MARCHF10: variants seen among roughly 807,000 people sequenced by gnomAD.
MARCHF10 encodes the protein membrane associated ring-CH-type finger 10.
In MARCHF10, 64 loss-of-function variants were observed where a neutral mutation model predicts 76.2. The ratio of observed to expected loss-of-function variants is 0.84; its 90% CI spans 0.69 to 1.03. MARCHF10 has a LOEUF of 1.03. Among genes scored for constraint, MARCHF10 ranks in the 50% least tolerant of loss-of-function variants. The pLI is 0.00. For missense variants in MARCHF10, 875 were observed against 958.0 expected, an observed-to-expected ratio of 0.91 and a Z score of 1.14; for synonymous variants, 340 against 357.5, an observed-to-expected ratio of 0.95 and a Z score of 0.55.
rs922920133 is a variant in MARCHF10, at chr17:62,759,907, C to G, written c.310G>C (p.Val104Leu). The change falls in exon 4 of 11, where the codon GTC becomes CTC. Residue 104 changes from valine to leucine, a missense_variant. Coordinates refer to ENST00000311269, the MANE Select transcript of MARCHF10 (RefSeq NM_152598.4). ...SKLPAIDQTS[V>L]KQKHKSTMTV... is the part of the protein sequence containing the mutation. ...ATGGTACTTTTATGTTTCTGCTTGACTGATGTTTGGTCAATTGCTGGAAGT... is the reference window on the plus strand; with the variant it reads ...ATGGTACTTTTATGTTTCTGCTTGAGTGATGTTTGGTCAATTGCTGGAAGT... 1 of 1,613,970 alleles carries G rather than the reference C, an allele frequency of 6.2e-7. No individual in the cohort carries two copies. The highest frequency in any genetic ancestry group is 1.3e-5 in the African/African-American group (1 of 74,894).
At chr17:62,727,235 G>T (rs529705723) in intron 6 of MARCHF10, among the ~76,000 whole-genome samples, 13 of 152,138 alleles carry the variant, frequency 8.5e-5, no homozygotes, top group Non-Finnish European at 1.6e-4. Flanking sequence ...CTTCTCAAAG[G>T]TATAGGTGGG....
At chr17:62,718,713 A>G (rs9916015) in intron 8 of MARCHF10, among the ~76,000 whole-genome samples, 5,145 of 152,256 alleles carry the variant, frequency 0.034, 296 homozygotes, top group African/African-American at 0.12. Context: ...CTCAGCGTCC[A>G]GGAATGTGAG....
chr17:62,762,610 G>C (rs996586010), intron 3 of MARCHF10, among the ~76,000 whole-genome samples: 1 of 152,218 alleles, frequency 6.6e-6, no homozygotes, highest in South Asian at 2.1e-4. Flanking sequence ...GCAATAGCGC[G>C]ATCTCGGTTC....
intron 4 of MARCHF10, among the ~76,000 whole-genome samples, chr17:62,750,804 C>G (rs1245867322): frequency 6.6e-6 from 1 of 152,178 alleles, no homozygotes; most frequent in Non-Finnish European, 1.5e-5. Flanking sequence ...CCCGTAAGAT[C>G]CCGGAGAATG....
At chr17:62,737,554 G>C (rs1010859677) in intron 5 of MARCHF10, 1 of 542,170 alleles carries the variant, frequency 1.8e-6, no homozygotes, top group Non-Finnish European at 3.2e-6. Context: ...TAGGGAAATG[G>C]GGGGACCCTG....
intron 3 of MARCHF10, among the ~76,000 whole-genome samples, chr17:62,781,545 G>A (rs1428239161): frequency 6.6e-6 from 1 of 152,194 alleles, no homozygotes; most frequent in Non-Finnish European, 1.5e-5. Flanking sequence ...GAACTTCTCA[G>A]CGCAGGCTTG....
intron 2 of MARCHF10, among the ~76,000 whole-genome samples, chr17:62,792,790 T>TCACCAC (rs1293324220): frequency 0.026 from 1,103 of 42,412 alleles, 14 homozygotes; most frequent in East Asian, 0.072. Context: ...ACCACCTCCA[T>TCACCAC]CACCACCACC....
intron 3 of MARCHF10, among the ~76,000 whole-genome samples, chr17:62,765,208 TG>T (rs2092298720): frequency 1.3e-5 from 2 of 151,536 alleles, no homozygotes; most frequent in Non-Finnish European, 2.9e-5. Flanking sequence ...AAAAATTAGC[TG>T]GGCGTAGTGG....
At chr17:62,716,582 A>G (rs138451298) in intron 8 of MARCHF10, among the ~76,000 whole-genome samples, 2 of 152,152 alleles carry the variant, frequency 1.3e-5, no homozygotes, top group African/African-American at 4.8e-5. Context: ...GGGCCTGTGT[A>G]TCACCATTTT....
At chr17:62,706,010 C>T (rs2089566756) in intron 9 of MARCHF10, among the ~76,000 whole-genome samples, 1 of 152,168 alleles carries the variant, frequency 6.6e-6, no homozygotes, top group Non-Finnish European at 1.5e-5. Flanking sequence ...CCATCAAGGC[C>T]CTGGGCTCAC....
At chr17:62,710,662 G>A (rs964069880) in intron 9 of MARCHF10, among the ~76,000 whole-genome samples, 3 of 148,490 alleles carry the variant, frequency 2.0e-5, no homozygotes, top group Non-Finnish European at 4.4e-5. Context: ...GGGTTCCAGC[G>A]ATTCTCCTGC....
At chr17:62,804,043 C>T (rs1482541846) in intron 1 of MARCHF10, among the ~76,000 whole-genome samples, 1 of 152,162 alleles carries the variant, frequency 6.6e-6, no homozygotes, top group East Asian at 1.9e-4. Flanking sequence ...AGTACCCACA[C>T]TCTTAACCAA....
chr17:62,719,312 C>CT (rs966519022), intron 8 of MARCHF10, among the ~76,000 whole-genome samples: 42 of 151,512 alleles, frequency 2.8e-4, no homozygotes, highest in East Asian at 2.1e-3. Flanking sequence ...GTAATTTTTA[C>CT]TTTTTTTTTG....
intron 3 of MARCHF10, among the ~76,000 whole-genome samples, chr17:62,780,202 C>T (rs529362994): frequency 3.0e-4 from 45 of 152,246 alleles, no homozygotes; most frequent in African/African-American, 9.9e-4. Context: ...CTACACAGTA[C>T]ATTTAATTTT....
At chr17:62,768,050 G>A (rs1359395728) in intron 3 of MARCHF10, among the ~76,000 whole-genome samples, 1 of 152,134 alleles carries the variant, frequency 6.6e-6, no homozygotes, top group African/African-American at 2.4e-5. Flanking sequence ...TGTTGAAGAC[G>A]GCAGAACCAG....
intron 4 of MARCHF10, among the ~76,000 whole-genome samples, chr17:62,757,969 A>G (rs1392857690): frequency 6.6e-6 from 1 of 152,250 alleles, no homozygotes; most frequent in Non-Finnish European, 1.5e-5. Context: ...TAATTAGACA[A>G]ACTAAAGCAT....
At position 62,792,285 on chromosome 17, in the gene MARCHF10, C is replaced by T. The variant is rs182088620; in HGVS notation, c.91-3686G>A. Among the ~76,000 whole-genome samples the T allele has an allele frequency of 1.4e-4, 22 of 152,126 alleles. No individual in the cohort carries two copies. In the South Asian group the frequency reaches 1.7e-3, roughly 11 times the overall value. On this transcript the variant is annotated intron_variant, in intron 2 of 10. Coordinates refer to ENST00000311269, the MANE Select transcript of MARCHF10 (RefSeq NM_152598.4). ...CATTGTAACTCAATCCTGGTAAACA[C>T]GACAATCCCCAGCTCTGCCACTTTC... is the stretch of plus-strand genomic sequence containing the variant.
At chr17:62,768,842 A>G (rs895195202) in intron 3 of MARCHF10, among the ~76,000 whole-genome samples, 5 of 152,206 alleles carry the variant, frequency 3.3e-5, no homozygotes, top group Non-Finnish European at 5.9e-5. Flanking sequence ...TAATCGTTCC[A>G]TCATATTTTC....
chr17:62,723,834 C>T (rs1260701644), intron 7 of MARCHF10, among the ~76,000 whole-genome samples: 1 of 152,018 alleles, frequency 6.6e-6, no homozygotes, highest in African/African-American at 2.4e-5. Flanking sequence ...ATATTTTGCT[C>T]GTTATATGGA....
Sources: gnomAD v4.1 joint callset for allele counts (sites outside exome capture counted in the v4.1 genomes callset) on GRCh38, gnomAD v4.1.1 for gene constraint, MANE v1.5 for transcripts, NCBI Gene and HGNC (gene_info 2026-07-23, HGNC 2026-07-21) for gene names.